SHISA9: variants seen among roughly 807,000 people sequenced by gnomAD.
SHISA9 encodes protein shisa-9.
A neutral mutation model predicts 38.0 loss-of-function variants in SHISA9; 13 were observed. That is an observed-to-expected ratio of 0.34 (90% CI 0.22 to 0.54). The LOEUF is 0.54. SHISA9 is among the 20% of genes least tolerant of loss of function. The pLI is 0.91. For synonymous variants in SHISA9, 275 were observed against 242.0 expected (o/e 1.14, Z -1.27); for missense variants, 538 against 575.8 (o/e 0.93, Z 0.67).
Position 12,909,538 on chromosome 16 carries a change from A to C in SHISA9, c.563+6911A>C, listed in dbSNP as rs1387778680. The C allele has an allele frequency of 3.1e-5, 31 of 985,336 alleles. No homozygotes were observed. In the Middle Eastern group the frequency reaches 2.1e-3, roughly 66 times the overall value. 61.0% of individuals were successfully genotyped at this position (985,336 alleles called of 1,614,324 possible). On this transcript the variant is annotated intron_variant, in intron 1 of 4. Coordinates refer to ENST00000558583, the MANE Select transcript of SHISA9 (RefSeq NM_001145204.3). ...TTGTAATTGGAAAGAAAAGAGATGCACCATTTTCTTCTTGTTCTTTGGATA... is the reference window on the plus strand; with the variant it reads ...TTGTAATTGGAAAGAAAAGAGATGCCCCATTTTCTTCTTGTTCTTTGGATA...
At chr16:13,255,994 C>T in the SHISA9 span, among the ~76,000 whole-genome samples, 2 of 152,188 alleles carry the variant, frequency 1.3e-5, no homozygotes, top group Non-Finnish European at 2.9e-5. Context: ...CCTTCCTCAC[C>T]TGTCCTGCAA....
intron 2 of SHISA9, among the ~76,000 whole-genome samples, chr16:13,137,435 C>G (rs751504595): frequency 2.0e-5 from 3 of 151,912 alleles, no homozygotes; most frequent in Non-Finnish European, 2.9e-5. Context: ...CGTTAGAGAG[C>G]CCATAACGGA....
the SHISA9 span, among the ~76,000 whole-genome samples, chr16:13,403,764 C>T: frequency 2.0e-5 from 3 of 152,138 alleles, no homozygotes; most frequent in Non-Finnish European, 2.9e-5. Flanking sequence ...AAATGGCACT[C>T]TTGAAAAGAT....
chr16:12,979,864 C>T (rs1398790682), intron 2 of SHISA9, among the ~76,000 whole-genome samples: 1 of 152,124 alleles, frequency 6.6e-6, no homozygotes, highest in Non-Finnish European at 1.5e-5. Flanking sequence ...GCATGCTCTC[C>T]CATCCCTTTT....
the SHISA9 span, among the ~76,000 whole-genome samples, chr16:13,444,911 T>C: frequency 6.8e-5 from 10 of 147,308 alleles, no homozygotes; most frequent in African/African-American, 2.5e-4. Flanking sequence ...TCTGCCCCCC[T>C]GGGCTCAAGT....
rs186222930 is a variant in SHISA9 at position 12,986,025 on chromosome 16, G to A, written c.691+69210G>A. Among the ~76,000 whole-genome samples, 795 of 152,220 alleles carry A rather than the reference G, an allele frequency of 5.2e-3. 3 individuals carry two copies. The highest frequency in any genetic ancestry group is 6.8e-3 in the Middle Eastern group (2 of 294). The stretch of plus-strand genomic sequence containing the variant: ...GGATAAGATTGATGTTACCATCTGT[G>A]GGACTTCGATTAAAGGCCCCACGCT... On this transcript the variant is annotated intron_variant, in intron 2 of 4. Coordinates refer to ENST00000558583, the MANE Select transcript of SHISA9 (RefSeq NM_001145204.3).
chr16:13,203,788 C>T (rs2051031350), intron 3 of SHISA9, among the ~76,000 whole-genome samples: 1 of 152,058 alleles, frequency 6.6e-6, no homozygotes, highest in South Asian at 2.1e-4. Context: ...CCTATACACT[C>T]TATCCATCCA....
the SHISA9 span, among the ~76,000 whole-genome samples, chr16:13,426,027 A>G: frequency 1.3e-5 from 2 of 152,168 alleles, 1 homozygote; most frequent in South Asian, 4.1e-4. Context: ...AACACAGAAC[A>G]GTTATCTTCC....
the SHISA9 span, among the ~76,000 whole-genome samples, chr16:13,549,793 G>T: frequency 3.3e-5 from 5 of 152,078 alleles, no homozygotes; most frequent in African/African-American, 1.2e-4. Flanking sequence ...GGGCAGCCGA[G>T]GTGGGCAGAT....
In SHISA9 at chr16:12,902,037, A is replaced by G. The variant is rs2071022921; in HGVS notation, c.-28A>G. On this transcript the variant is annotated 5_prime_UTR_variant, in exon 1 of 5. Coordinates refer to ENST00000558583, the MANE Select transcript of SHISA9 (RefSeq NM_001145204.3). ...GCCGCAGAGGCTCCAGCGGCGGCCG[A>G]GCGGCCGAGCCCGGGCTGGGAGACA... The G allele has an allele frequency of 9.8e-6, 14 of 1,432,422 alleles. No homozygotes were observed. The highest frequency in any genetic ancestry group is 1.2e-5 in the Non-Finnish European group (13 of 1,099,792). The allele number at this position is 1,432,422 out of a possible 1,614,324, so 88.7% of individuals were successfully genotyped here.
chr16:13,251,751 GT>G, the SHISA9 span, among the ~76,000 whole-genome samples: 2 of 152,138 alleles, frequency 1.3e-5, no homozygotes, highest in Non-Finnish European at 2.9e-5. Flanking sequence ...CCTGCACACA[GT>G]ACCTTGCTCA....
the SHISA9 span, among the ~76,000 whole-genome samples, chr16:13,268,879 C>T: frequency 0.55 from 83,313 of 151,482 alleles, 23,194 homozygotes; most frequent in African/African-American, 0.61. Context: ...ACACATGATA[C>T]CAGTTATACC....
At chr16:13,517,857 T>G in the SHISA9 span, among the ~76,000 whole-genome samples, 1 of 152,216 alleles carries the variant, frequency 6.6e-6, no homozygotes. Context: ...AATGGAAGGT[T>G]AGTGAGTGTG....
intron 2 of SHISA9, among the ~76,000 whole-genome samples, chr16:12,937,547 A>G (rs1390253598): frequency 2.0e-5 from 3 of 152,226 alleles, no homozygotes; most frequent in African/African-American, 7.2e-5. Context: ...TTTTCTCACA[A>G]TTCTGGAGGG....
chr16:13,203,722 A>AAT (rs1285891815), intron 3 of SHISA9, among the ~76,000 whole-genome samples, 173 bp downstream of exon 3: 1 of 151,942 alleles, frequency 6.6e-6, no homozygotes, highest in Non-Finnish European at 1.5e-5. Context: ...TCTGTCTATA[A>AAT]ATATGTATAT....
rs962457107 is a variant in SHISA9 at position 13,163,590 on chromosome 16, A to T, written c.692-39804A>T. Among the ~76,000 whole-genome samples the T allele has an allele frequency of 1.3e-5, 2 of 152,130 alleles. 1 individual carries two copies. Among genetic ancestry groups the T allele is most frequent in the Admixed American group, 1.3e-4 (2 of 15,276 alleles). On this transcript the variant is annotated intron_variant, in intron 2 of 4. Transcript: ENST00000558583. The stretch of plus-strand genomic sequence containing the variant: ...AAGATTAATTTGGGAAAGAAATGAT[A>T]GCTTAAAATACTGAATATTTAAAAC...
intron 2 of SHISA9, among the ~76,000 whole-genome samples, chr16:13,069,414 ATGTG>A (rs568428253): frequency 1.3e-5 from 2 of 151,836 alleles, no homozygotes; most frequent in Admixed American, 6.6e-5. Flanking sequence ...CAATGTGTGC[ATGTG>A]TGTGTATGTG....
At position 13,044,951 on chromosome 16, in the gene SHISA9, G is replaced by C. The variant is rs573564848; in HGVS notation, c.691+128136G>C. Among the ~76,000 whole-genome samples the C allele has an allele frequency of 1.1e-3, 175 of 152,276 alleles. 3 individuals carry two copies. The highest frequency in any genetic ancestry group is 3.9e-3 in the African/African-American group (162 of 41,554). On this transcript the variant is annotated intron_variant, in intron 2 of 4. Transcript: ENST00000558583. The stretch of plus-strand genomic sequence containing the variant: ...TGAAAAGTGATGTGCACATTCCAGG[G>C]CGCAGCTTGGTGCAGATGTTAACCA...
chr16:13,011,411 T>C (rs1159761249), intron 2 of SHISA9, among the ~76,000 whole-genome samples: 3 of 150,116 alleles, frequency 2.0e-5, no homozygotes, highest in Non-Finnish European at 3.0e-5. Flanking sequence ...ACAGTTCTCA[T>C]GTTTAGATCT....
Sources: gnomAD v4.1 joint callset for allele counts (sites outside exome capture counted in the v4.1 genomes callset) on GRCh38, gnomAD v4.1.1 for gene constraint, MANE v1.5 for transcripts, NCBI Gene and HGNC (gene_info 2026-07-23, HGNC 2026-07-21) for gene names.